The following MAEA variants were observed in gnomAD, a reference collection of about 807,000 sequenced individuals.
MAEA encodes macrophage erythroblast attacher, E3 ubiquitin ligase.
A neutral mutation model predicts 46.2 loss-of-function variants in MAEA; 22 were observed. That is an observed-to-expected ratio of 0.48 (90% CI 0.34 to 0.68). The LOEUF (loss-of-function observed/expected upper bound fraction) is 0.68, where lower values mean the gene tolerates loss of function less well. Among genes scored for constraint, MAEA ranks in the 30% least tolerant of loss-of-function variants. MAEA has a pLI of 0.01. For missense variants in MAEA, 393 were observed against 558.1 expected (o/e 0.70, Z 2.98); for synonymous variants, 246 against 222.6 (o/e 1.11, Z -0.94).
In MAEA at chr4:1,319,805, G is replaced by A. The variant is rs114638863; in HGVS notation, c.457-2576G>A. 1.6e-3 allele frequency among the ~76,000 whole-genome samples: 239 copies of A among 149,468 alleles called. 2 individuals are homozygous for A. The highest frequency in any genetic ancestry group is 2.9e-3 in the Non-Finnish European group (198 of 67,710). The stretch of plus-strand genomic sequence containing the variant: ...AGACTTTGTGGGAGACCCAACATTC[G>A]CCTGCCCTGAAGGGGCTTCAGAAAA... On this transcript the variant is annotated intron_variant, in intron 3 of 8. Coordinates refer to ENST00000303400, the MANE Select transcript of MAEA (RefSeq NM_001017405.3).
Position 1,329,317 on chromosome 4 carries a change from G to A in MAEA, c.656+1614G>A, listed in dbSNP as rs575910985. Reference sequence around the variant, plus strand: ...TCTTTGCCTGTGTTCCCCCCGCTCCGTGTAGGGTCTCTTTGCCTTGTTCCC... The same window carrying A: ...TCTTTGCCTGTGTTCCCCCCGCTCCATGTAGGGTCTCTTTGCCTTGTTCCC... On this transcript the variant is annotated intron_variant, in intron 5 of 8. Transcript: ENST00000303400. 56 of 985,286 alleles carry A rather than the reference G, an allele frequency of 5.7e-5. 1 individual carries two copies. In the African/African-American group the frequency reaches 5.8e-4, roughly 10 times the overall value. The allele number at this position is 985,286 out of a possible 1,614,324, so 61.0% of individuals were successfully genotyped here.
chr4:1,328,502 A>C (rs562401763), intron 5 of MAEA: 63 of 588,480 alleles, frequency 1.1e-4, no homozygotes, highest in African/African-American at 1.0e-3. Context: ...GTGACGCTTG[A>C]GTTGCTGTGT....
Position 1,318,101 on chromosome 4 carries a change from C to T in MAEA, c.456+2501C>T, listed in dbSNP as rs554816248. ...TCCCACCCACCCGCCTCCCTGGCCC[C>T]GTGTGCCCGGCTTCCCCCAATGCAC... On this transcript the variant is annotated intron_variant, in intron 3 of 8. Coordinates refer to ENST00000303400, the MANE Select transcript of MAEA (RefSeq NM_001017405.3). Among the ~76,000 whole-genome samples, 15 of 152,340 alleles carry T rather than the reference C, an allele frequency of 9.8e-5. No individual in the cohort carries two copies. In the South Asian group the frequency reaches 1.0e-3, roughly 11 times the overall value.
At chr4:1,329,177 C>G in intron 5 of MAEA, 1 of 985,788 alleles carries the variant, frequency 1.0e-6, no homozygotes, top group Non-Finnish European at 1.2e-6. Context: ...GCAGCTGGTT[C>G]CGCATAGGGT....
chr4:1,329,575 T>A, intron 5 of MAEA: 1 of 985,078 alleles, frequency 1.0e-6, no homozygotes. Context: ...AGGCGCAGTG[T>A]GAGCTACATC....
intron 1 of MAEA, among the ~76,000 whole-genome samples, chr4:1,310,266 G>T (rs1320834798): frequency 6.6e-6 from 1 of 152,226 alleles, no homozygotes; most frequent in Admixed American, 6.5e-5. Context: ...GTCTCGTTGA[G>T]CTCGCTTGCA....
intron 1 of MAEA, chr4:1,309,354 C>A: frequency 9.0e-7 from 1 of 1,111,666 alleles, no homozygotes; most frequent in Non-Finnish European, 1.1e-6. Context: ...TCTTGCTAAC[C>A]AGCCAGCCCA....
At position 1,311,685 on chromosome 4, in the gene MAEA, C is replaced by G. The variant is rs1383889364; in HGVS notation, c.70-294C>G. 6.6e-6 allele frequency among the ~76,000 whole-genome samples: 1 copy of G among 152,218 alleles called. No individual in the cohort carries two copies. Among genetic ancestry groups the G allele is most frequent in the Admixed American group, 6.5e-5 (1 of 15,294 alleles). On this transcript the variant is annotated intron_variant, in intron 1 of 8. Coordinates refer to ENST00000303400, the MANE Select transcript of MAEA (RefSeq NM_001017405.3). The surrounding 1 kb of genome is among the most constrained non-coding windows in gnomAD (Gnocchi z 4.4). ...TCACTCCTCTCCTGTTTGGAAATTT[C>G]TTTAACTGTTCGTTATTCTGGATGA...
chr4:1,315,629 G>GC, intron 3 of MAEA, 29 bp downstream of exon 3: 2 of 1,607,152 alleles, frequency 1.2e-6, no homozygotes, highest in Non-Finnish European at 1.7e-6. Flanking sequence ...CAGGCACAGC[G>GC]CCCCAGCTGG....
chr4:1,316,379 C>G (rs930040722), intron 3 of MAEA, among the ~76,000 whole-genome samples: 2 of 151,896 alleles, frequency 1.3e-5, no homozygotes, highest in Admixed American at 6.6e-5. Flanking sequence ...GGGCCCGTCG[C>G]CCTTGCCCCT....
intron 6 of MAEA, among the ~76,000 whole-genome samples, chr4:1,336,187 G>C (rs1363951197): frequency 6.6e-6 from 1 of 151,338 alleles, no homozygotes; most frequent in Non-Finnish European, 1.5e-5. Context: ...TGAAATCAGA[G>C]AGTTCCAGCA....
At chr4:1,322,948 T>C (rs1216800258) in intron 4 of MAEA, among the ~76,000 whole-genome samples, 8 of 132,806 alleles carry the variant, frequency 6.0e-5, no homozygotes, top group South Asian at 2.7e-4. Context: ...ACCCACTTTT[T>C]TTTTTTTTTT....
At chr4:1,294,379 G>A (rs1043587772) in intron 1 of MAEA, among the ~76,000 whole-genome samples, 5 of 152,150 alleles carry the variant, frequency 3.3e-5, no homozygotes, top group African/African-American at 9.7e-5. Context: ...CTAGCTGGGG[G>A]GTTGGTTTTG....
intron 4 of MAEA, among the ~76,000 whole-genome samples, chr4:1,326,433 C>T (rs1738823185): frequency 6.6e-6 from 1 of 152,220 alleles, no homozygotes; most frequent in Admixed American, 6.5e-5. Flanking sequence ...CATGTCACTT[C>T]CGTAGAATCC....
intron 5 of MAEA, chr4:1,329,526 G>A (rs910227436): frequency 2.6e-5 from 26 of 985,216 alleles, no homozygotes; most frequent in Middle Eastern, 5.2e-4. Flanking sequence ...GCAGCCAGCC[G>A]GGCAGGCATG....
chr4:1,314,283 C>T (rs1736861315), intron 2 of MAEA, among the ~76,000 whole-genome samples: 1 of 150,060 alleles, frequency 6.7e-6, no homozygotes, highest in African/African-American at 2.5e-5. Flanking sequence ...GCTGAGATCG[C>T]ACCACTGCAC....
At chr4:1,336,506 C>G (rs1712783342) in intron 6 of MAEA, among the ~76,000 whole-genome samples, 1 of 152,014 alleles carries the variant, frequency 6.6e-6, no homozygotes, top group Non-Finnish European at 1.5e-5. Context: ...AGAGTTAAGT[C>G]AGCACTTGTC....
intron 5 of MAEA, among the ~76,000 whole-genome samples, chr4:1,328,115 G>A (rs1739079357): frequency 6.6e-6 from 1 of 152,262 alleles, no homozygotes; most frequent in Admixed American, 6.5e-5. Flanking sequence ...CTGAGCTTGG[G>A]AATGTCCCTC....
Position 1,340,019 on chromosome 4 carries a change from G to A in MAEA, c.*850G>A, listed in dbSNP as rs1398728147. On this transcript the variant is annotated 3_prime_UTR_variant, in exon 9 of 9. Coordinates refer to ENST00000303400, the MANE Select transcript of MAEA (RefSeq NM_001017405.3). ...TTTTCAAAACAAATGAACCACCGTAGCTGACAGAGAACCGTATCGTAGAGG... is the reference window on the plus strand; with the variant it reads ...TTTTCAAAACAAATGAACCACCGTAACTGACAGAGAACCGTATCGTAGAGG... 2 of 152,684 alleles carry A rather than the reference G, an allele frequency of 1.3e-5. No individual in the cohort carries two copies. Among genetic ancestry groups the A allele is most frequent in the African/African-American group, 4.8e-5 (2 of 41,458 alleles). The allele number at this position is 152,684 out of a possible 1,614,324, so 9.5% of individuals were successfully genotyped here.
Sources: allele counts gnomAD v4.1 joint callset (sites outside exome capture counted in the v4.1 genomes callset), GRCh38; gene constraint gnomAD v4.1.1; non-coding constraint Gnocchi (gnomAD v3.1); transcripts MANE v1.5; gene names NCBI Gene and HGNC (gene_info 2026-07-23, HGNC 2026-07-21).